The following YWHAH variants were observed in gnomAD, a reference collection of about 807,000 sequenced individuals.
YWHAH encodes the protein tyrosine 3-monooxygenase/tryptophan 5-monooxygenase activation protein eta.
In YWHAH, 6 loss-of-function variants were observed where a neutral mutation model predicts 22.9. The ratio of observed to expected loss-of-function variants is 0.26; its 90% CI spans 0.14 to 0.52. YWHAH has a LOEUF of 0.52. Among genes scored for constraint, YWHAH ranks in the 20% least tolerant of loss-of-function variants. YWHAH has a pLI of 0.97. For missense variants in YWHAH, 173 were observed against 308.6 expected (o/e 0.56, Z 3.29); for synonymous variants, 135 against 124.5 (o/e 1.08, Z -0.56).
intron 1 of YWHAH, 42 bp downstream of exon 1, chr22:31,944,862 TG>T: frequency 1.5e-6 from 2 of 1,305,278 alleles, no homozygotes; most frequent in South Asian, 1.8e-5. Flanking sequence ...GGGGGGGGCC[TG>T]GCGTTGGGGA....
At chr22:31,952,512 CTG>C (rs2093844680) in intron 1 of YWHAH, among the ~76,000 whole-genome samples, 1 of 152,154 alleles carries the variant, frequency 6.6e-6, no homozygotes, top group Non-Finnish European at 1.5e-5. Flanking sequence ...CTTTTGTTAA[CTG>C]AATTATAACC....
chr22:31,949,061 C>A (rs555780012), intron 1 of YWHAH, among the ~76,000 whole-genome samples: 22 of 151,094 alleles, frequency 1.5e-4, no homozygotes, highest in Non-Finnish European at 1.5e-4. Flanking sequence ...TCCAGAAATA[C>A]GGTTTCGGAG....
At position 31,955,688 on chromosome 22, in the gene YWHAH, G is replaced by A. The variant is rs76421283; in HGVS notation, c.88-451G>A. On this transcript the variant is annotated intron_variant, in intron 1 of 1. Coordinates refer to ENST00000248975, the MANE Select transcript of YWHAH (RefSeq NM_003405.4). The stretch of plus-strand genomic sequence containing the variant: ...GATCTCTTGACCTCATGATCTGCCC[G>A]CCCTTGGCCTCCTGAAGTGCTGGGA... Among the ~76,000 whole-genome samples the A allele has an allele frequency of 7.6e-3, 1,164 of 152,198 alleles. 17 individuals carry two copies. The highest frequency in any genetic ancestry group is 0.042 in the East Asian group (219 of 5,174).
intron 1 of YWHAH, among the ~76,000 whole-genome samples, chr22:31,955,212 G>A (rs2093848040): frequency 6.6e-6 from 1 of 152,172 alleles, no homozygotes; most frequent in African/African-American, 2.4e-5. Flanking sequence ...AGAGGGCTGG[G>A]AGTATCAGTT....
intron 1 of YWHAH, chr22:31,945,794 C>T (rs1241928429): frequency 4.8e-6 from 4 of 841,646 alleles, no homozygotes; most frequent in Admixed American, 3.9e-5. Flanking sequence ...CCTTGAACTC[C>T]GCCTTAGACC....
intron 1 of YWHAH, among the ~76,000 whole-genome samples, chr22:31,947,089 T>A (rs1286142887): frequency 6.6e-6 from 1 of 152,218 alleles, no homozygotes; most frequent in Non-Finnish European, 1.5e-5. Flanking sequence ...TTAATGTTAC[T>A]GGGATGACTC....
chr22:31,947,776 CCT>C (rs1224096115), intron 1 of YWHAH, among the ~76,000 whole-genome samples: 1 of 152,066 alleles, frequency 6.6e-6, no homozygotes, highest in African/African-American at 2.4e-5. Context: ...CTGAAATAAA[CCT>C]ATAAAGTGGG....
Position 31,944,890 on chromosome 22 carries a change from C to T in YWHAH, c.87+70C>T, listed in dbSNP as rs1442146216. ...CGTTGGGGAGGGACGGGGATGGCCG[C>T]GGGCGCGTTCCCCTCCCGGCCATGG... On this transcript the variant is annotated intron_variant, in intron 1 of 1. Transcript: ENST00000248975. 82 of 1,190,438 alleles carry T rather than the reference C, an allele frequency of 6.9e-5. No homozygotes were observed. The South Asian group carries it at 1.4e-3, about 21-fold the overall frequency. 73.7% of individuals were successfully genotyped at this position (1,190,438 alleles called of 1,614,324 possible). A position where few individuals can be genotyped will look rare whatever the true frequency, so the allele number is the denominator to read the frequency against.
Position 31,954,961 on chromosome 22 carries a change from T to C in YWHAH, c.88-1178T>C, listed in dbSNP as rs181818532. ...CAACCACTGCAAAGTCTAATAATGC[T>C]CTTCCTACTAACTGCATAGCTAGTT... On this transcript the variant is annotated intron_variant, in intron 1 of 1. Coordinates refer to ENST00000248975, the MANE Select transcript of YWHAH (RefSeq NM_003405.4). Among the ~76,000 whole-genome samples the C allele has an allele frequency of 1.2e-3, 179 of 152,334 alleles. 1 individual carries two copies. Among genetic ancestry groups the C allele is most frequent in the African/African-American group, 4.1e-3 (169 of 41,582 alleles).
Position 31,956,963 on chromosome 22 carries a change from T to G in YWHAH, c.*171T>G, listed in dbSNP as rs1263420073. The G allele has an allele frequency of 1.2e-6, 1 of 840,348 alleles. No homozygotes were observed. Among genetic ancestry groups the G allele is most frequent in the Non-Finnish European group, 1.8e-6 (1 of 563,004 alleles). The allele number at this position is 840,348 out of a possible 1,614,324, so 52.1% of individuals were successfully genotyped here. A position where few individuals can be genotyped will look rare whatever the true frequency, so the allele number is the denominator to read the frequency against. Reference sequence around the variant, plus strand: ...AGCAGTTTCAGATAAATCATGGGCATTGCTGGACTGATGGTTGCTTTGAGC... The same window carrying G: ...AGCAGTTTCAGATAAATCATGGGCAGTGCTGGACTGATGGTTGCTTTGAGC... On this transcript the variant is annotated 3_prime_UTR_variant, in exon 2 of 2. Transcript: ENST00000248975. The surrounding 1 kb of genome is among the most constrained non-coding windows in gnomAD (Gnocchi z 5.1).
intron 1 of YWHAH, among the ~76,000 whole-genome samples, chr22:31,946,906 A>C (rs1307102378): frequency 6.6e-6 from 1 of 152,336 alleles, no homozygotes; most frequent in Non-Finnish European, 1.5e-5. Flanking sequence ...AGAAGAGTCA[A>C]TCCAAGCTTT....
intron 1 of YWHAH, among the ~76,000 whole-genome samples, chr22:31,955,912 T>A (rs1275531321): frequency 6.6e-6 from 1 of 152,224 alleles, no homozygotes; most frequent in African/African-American, 2.4e-5. Context: ...CCTATGATTT[T>A]CTGTTTTGGG....
At chr22:31,951,131 T>A (rs1421629045) in intron 1 of YWHAH, among the ~76,000 whole-genome samples, 1 of 152,154 alleles carries the variant, frequency 6.6e-6, no homozygotes, top group African/African-American at 2.4e-5. Flanking sequence ...TGGCCTCAAG[T>A]GATCCGCCTG....
At position 31,957,306 on chromosome 22, in the gene YWHAH, G is replaced by C. The variant is rs1308936451; in HGVS notation, c.*514G>C. On this transcript the variant is annotated 3_prime_UTR_variant, in exon 2 of 2. Transcript: ENST00000248975. ...TCAGCTTTATAATAAACTGTTTAAC[G>C]TGAGGTTTCAGTAGCTCCTTGGTTT... is the stretch of plus-strand genomic sequence containing the variant. 2 of 153,288 alleles carry C rather than the reference G, an allele frequency of 1.3e-5. No individual in the cohort carries two copies. The highest frequency in any genetic ancestry group is 2.1e-4 in the South Asian group (1 of 4,852). 9.5% of individuals were successfully genotyped at this position (153,288 alleles called of 1,614,324 possible).
At chr22:31,953,711 A>G (rs2093846197) in intron 1 of YWHAH, among the ~76,000 whole-genome samples, 1 of 152,184 alleles carries the variant, frequency 6.6e-6, no homozygotes, top group South Asian at 2.1e-4. Context: ...ACTAATGAAT[A>G]TGTGAGGATG....
chr22:31,949,086 G>A (rs923313265), intron 1 of YWHAH, among the ~76,000 whole-genome samples: 5 of 144,142 alleles, frequency 3.5e-5, no homozygotes, highest in African/African-American at 1.3e-4. Flanking sequence ...TACCCCTAAC[G>A]TTTTATGTGT....
chr22:31,946,120 T>C (rs1483513769), intron 1 of YWHAH, among the ~76,000 whole-genome samples: 1 of 152,192 alleles, frequency 6.6e-6, no homozygotes, highest in Admixed American at 6.5e-5. Flanking sequence ...GTGTCCTTGT[T>C]ACACACATAA....
Position 31,956,579 on chromosome 22 carries a change from C to G in YWHAH, c.528C>G (p.Ala176=), listed in dbSNP as rs1235159314. 2.5e-6 allele frequency: 4 copies of G among 1,614,064 alleles called. No homozygotes were observed. The African/African-American group carries it at 5.3e-5, about 22-fold the overall frequency. The change falls in exon 2 of 2, where the codon GCC becomes GCG. Residue 176 remains alanine, a synonymous_variant. Coordinates refer to ENST00000248975, the MANE Select transcript of YWHAH (RefSeq NM_003405.4). The surrounding 1 kb of genome is among the most constrained non-coding windows in gnomAD (Gnocchi z 5.1). ...QPTHPIRLGL[A]LNFSVFYYEI... is the part of the protein sequence containing the mutation. Reference sequence around the variant, plus strand: ...CGCATCCCATCCGGCTGGGCCTGGCCCTCAACTTCTCCGTGTTCTACTATG... The same window carrying G: ...CGCATCCCATCCGGCTGGGCCTGGCGCTCAACTTCTCCGTGTTCTACTATG...
chr22:31,949,018 T>G (rs1440102223), intron 1 of YWHAH, among the ~76,000 whole-genome samples: 2 of 152,214 alleles, frequency 1.3e-5, no homozygotes, highest in African/African-American at 4.8e-5. Context: ...GTCTGGGATT[T>G]TATATCAGTG....
Sources: allele counts gnomAD v4.1 joint callset (sites outside exome capture counted in the v4.1 genomes callset), GRCh38; gene constraint gnomAD v4.1.1; non-coding constraint Gnocchi (gnomAD v3.1); transcripts MANE v1.5; gene names NCBI Gene and HGNC (gene_info 2026-07-23, HGNC 2026-07-21).